Variants in RUNX1 observed in about 807,000 individuals in gnomAD.
The protein encoded by RUNX1 is runt-related transcription factor 1.
In RUNX1, 19 loss-of-function variants were observed where a neutral mutation model predicts 42.8. The ratio of observed to expected loss-of-function variants is 0.44; its 90% CI spans 0.31 to 0.65. The LOEUF (loss-of-function observed/expected upper bound fraction) is 0.65. RUNX1 is among the 30% of genes least tolerant of loss of function. The pLI, the probability that RUNX1 is intolerant of heterozygous loss-of-function variation, is 0.07. For synonymous variants in RUNX1, 271 were observed against 289.4 expected (o/e 0.94, Z 0.64); for missense variants, 528 against 672.0 (o/e 0.79, Z 2.37).
chr21:34,854,269 T>C (rs192298710), intron 6 of RUNX1, among the ~76,000 whole-genome samples: 1 of 152,322 alleles, frequency 6.6e-6, no homozygotes, highest in East Asian at 1.9e-4. Flanking sequence ...AACCAAGTAC[T>C]TTAAAAAGTA....
chr21:34,796,270 A>G (rs937895254), intron 8 of RUNX1, among the ~76,000 whole-genome samples: 10 of 152,224 alleles, frequency 6.6e-5, no homozygotes, highest in African/African-American at 2.4e-4. Flanking sequence ...AAGACCATCC[A>G]TTTGGTCAAA....
intron 3 of RUNX1, chr21:34,888,269 G>A (rs1601531964): frequency 7.5e-6 from 8 of 1,067,428 alleles, no homozygotes; most frequent in Non-Finnish European, 7.9e-6. Context: ...CGGGCCTTGA[G>A]GGAGGGCTCC....
intron 8 of RUNX1, among the ~76,000 whole-genome samples, 195 bp downstream of exon 8, chr21:34,799,106 G>A (rs1226498320): frequency 6.6e-6 from 1 of 152,172 alleles, no homozygotes. Context: ...AGCCACTTCT[G>A]CCTTCACATC....
At chr21:34,799,060 G>A (rs2056570730) in intron 8 of RUNX1, among the ~76,000 whole-genome samples, 2 of 152,154 alleles carry the variant, frequency 1.3e-5, no homozygotes, top group Admixed American at 6.5e-5. Flanking sequence ...TGCCAAATGT[G>A]AACAACTTTA....
intron 2 of RUNX1, chr21:35,038,651 TAGAG>T (rs145814354): frequency 5.9e-4 from 235 of 399,954 alleles, no homozygotes; most frequent in Middle Eastern, 1.2e-3. Context: ...GTGTGTGAGA[TAGAG>T]AGAGAGAGAG....
At chr21:34,959,525 C>T (rs1387120632) in intron 2 of RUNX1, among the ~76,000 whole-genome samples, 1 of 152,100 alleles carries the variant, frequency 6.6e-6, no homozygotes, top group Non-Finnish European at 1.5e-5. Flanking sequence ...ATTCCTTTGG[C>T]AGTTAGAGAG....
chr21:34,978,919 A>G (rs2058823795), intron 2 of RUNX1, among the ~76,000 whole-genome samples: 2 of 109,594 alleles, frequency 1.8e-5, no homozygotes, highest in African/African-American at 7.1e-5. Flanking sequence ...GACTTCTCAG[A>G]CAAAACACAC....
At chr21:35,022,037 T>G (rs1436788178) in intron 2 of RUNX1, among the ~76,000 whole-genome samples, 1 of 152,214 alleles carries the variant, frequency 6.6e-6, no homozygotes, top group Non-Finnish European at 1.5e-5. Flanking sequence ...GAAATACATG[T>G]GTTTATATTG....
At chr21:34,934,669 A>G (rs2058472544) in intron 2 of RUNX1, among the ~76,000 whole-genome samples, 1 of 152,136 alleles carries the variant, frequency 6.6e-6, no homozygotes, top group Non-Finnish European at 1.5e-5. Context: ...GGAATAAAGA[A>G]TATAGGAGCA....
intron 7 of RUNX1, among the ~76,000 whole-genome samples, chr21:34,820,644 C>CAA (rs550724165): frequency 4.5e-5 from 6 of 134,204 alleles, no homozygotes; most frequent in Admixed American, 2.2e-4. Flanking sequence ...AACACCGTCT[C>CAA]AAAAAAAAAA....
rs369095049 is a variant in RUNX1, at chr21:34,861,641, C to A, written c.509-2063G>T. 1.4e-4 allele frequency among the ~76,000 whole-genome samples: 21 copies of A among 152,268 alleles called. No homozygotes were observed. In the East Asian group the frequency reaches 1.5e-3, roughly 11 times the overall value. ...CGCATACCTGACTCCCAGTGTGCAC[C>A]CTCCGAGTTCTACCCATGAGCCATG... is the stretch of plus-strand genomic sequence containing the variant. On this transcript the variant is annotated intron_variant, in intron 5 of 8. Transcript: ENST00000675419.
chr21:34,927,597 A>C (rs1372551768), intron 2 of RUNX1, among the ~76,000 whole-genome samples: 1 of 152,152 alleles, frequency 6.6e-6, no homozygotes, highest in African/African-American at 2.4e-5. Flanking sequence ...TCAGACTCTG[A>C]ATTCAATAAG....
intron 2 of RUNX1, among the ~76,000 whole-genome samples, chr21:34,932,151 G>A (rs1351220755): frequency 6.6e-6 from 1 of 152,028 alleles, no homozygotes; most frequent in African/African-American, 2.4e-5. Context: ...TTATAATGAA[G>A]GTAATTAATT....
chr21:34,839,100 G>A (rs1435656659), intron 6 of RUNX1, among the ~76,000 whole-genome samples: 1 of 152,114 alleles, frequency 6.6e-6, no homozygotes, highest in Non-Finnish European at 1.5e-5. Context: ...CTTCAGAACT[G>A]GAGAATGGCC....
chr21:34,890,271 G>A (rs1056170464), intron 3 of RUNX1, among the ~76,000 whole-genome samples: 3 of 152,034 alleles, frequency 2.0e-5, no homozygotes, highest in Non-Finnish European at 2.9e-5. Context: ...GAACGCCCCC[G>A]ACGGCGCGGG....
At chr21:34,926,170 A>G (rs2058391522) in intron 2 of RUNX1, among the ~76,000 whole-genome samples, 1 of 152,126 alleles carries the variant, frequency 6.6e-6, no homozygotes, top group Non-Finnish European at 1.5e-5. Context: ...TAAAAATACA[A>G]ATGTGCTTAA....
chr21:34,805,462 A>C (rs545798887), intron 7 of RUNX1, among the ~76,000 whole-genome samples: 12 of 152,342 alleles, frequency 7.9e-5, no homozygotes, highest in Non-Finnish European at 1.5e-4. Context: ...AAAATCTTGA[A>C]AGAAGCTAGA....
At chr21:34,996,446 G>C (rs958703657) in intron 2 of RUNX1, among the ~76,000 whole-genome samples, 4 of 152,104 alleles carry the variant, frequency 2.6e-5, no homozygotes, top group Non-Finnish European at 5.9e-5. Flanking sequence ...GTCCTCCTGG[G>C]TTCCTGCTGT....
intron 2 of RUNX1, among the ~76,000 whole-genome samples, chr21:34,971,527 A>G (rs1170993329): frequency 6.6e-6 from 1 of 151,912 alleles, no homozygotes; most frequent in Non-Finnish European, 1.5e-5. Flanking sequence ...CCATCCATCC[A>G]TCCATCCATC....
Sources: allele counts gnomAD v4.1 joint callset (sites outside exome capture counted in the v4.1 genomes callset), GRCh38; gene constraint gnomAD v4.1.1; transcripts MANE v1.5; gene names NCBI Gene and HGNC (gene_info 2026-07-23, HGNC 2026-07-21).